Variants in IL1RAPL2 observed in about 807,000 individuals in gnomAD.
The protein encoded by IL1RAPL2 is X-linked interleukin-1 receptor accessory protein-like 2.
A neutral mutation model predicts 44.1 loss-of-function variants in IL1RAPL2; 3 were observed. The ratio of observed to expected loss-of-function variants is 0.07; its 90% CI spans 0.03 to 0.18. The LOEUF (loss-of-function observed/expected upper bound fraction) is 0.18, where lower values mean the gene tolerates loss of function less well. Ranked by LOEUF, IL1RAPL2 falls within the 10% of genes least tolerant of loss-of-function variation. The pLI is 1.00. For synonymous variants in IL1RAPL2, 181 were observed against 178.8 expected (o/e 1.01, Z -0.10); for missense variants, 391 against 496.4 (o/e 0.79, Z 2.02).
At chrX:104,996,352 T>A (rs1207685840) in intron 2 of IL1RAPL2, among the ~76,000 whole-genome samples, 1 of 111,670 alleles carries the variant, frequency 9.0e-6, no homozygotes, top group Admixed American at 9.5e-5. Context: ...ATATCATGAG[T>A]AATATAAATG....
chrX:105,528,404 A>G (rs1421677357), intron 6 of IL1RAPL2, among the ~76,000 whole-genome samples: 1 of 111,932 alleles, frequency 8.9e-6, no homozygotes, highest in East Asian at 2.8e-4. Context: ...CCATCCAGCC[A>G]TTCCTTTCTT....
At chrX:104,589,360 G>C (rs1047772378) in intron 1 of IL1RAPL2, among the ~76,000 whole-genome samples, 1 of 112,099 alleles carries the variant, frequency 8.9e-6, no homozygotes, top group African/African-American at 3.2e-5. Context: ...AGGCCGGGAG[G>C]CTAAGCCAGT....
chrX:104,829,579 T>A (rs73245709), intron 2 of IL1RAPL2, among the ~76,000 whole-genome samples: 7,393 of 112,379 alleles, frequency 0.066, 212 homozygotes, highest in South Asian at 0.11. Flanking sequence ...TATTCGGCCA[T>A]CTTGGTAAAT....
intron 2 of IL1RAPL2, among the ~76,000 whole-genome samples, chrX:104,677,831 G>A (rs1038260187): frequency 5.4e-5 from 6 of 112,109 alleles, no homozygotes; most frequent in Non-Finnish European, 9.4e-5. Context: ...GGAAAAGCGC[G>A]GTATTCGGGT....
At chrX:104,838,240 G>T (rs932953161) in intron 2 of IL1RAPL2, among the ~76,000 whole-genome samples, 4 of 111,727 alleles carry the variant, frequency 3.6e-5, no homozygotes, top group African/African-American at 1.3e-4. Context: ...TAAATTTAAA[G>T]TAGTTTTTCT....
At chrX:105,453,928 C>T (rs757801677) in intron 5 of IL1RAPL2, among the ~76,000 whole-genome samples, 29 of 111,957 alleles carry the variant, frequency 2.6e-4, no homozygotes, top group Non-Finnish European at 1.9e-4. Context: ...GCTCAACACT[C>T]ATCTTCTTCA....
chrX:104,974,280 C>A (rs991967109), intron 2 of IL1RAPL2, among the ~76,000 whole-genome samples: 1 of 111,784 alleles, frequency 8.9e-6, no homozygotes, highest in African/African-American at 3.2e-5. Flanking sequence ...CCATTTTAAC[C>A]ATTTTAAAAC....
chrX:104,800,927 A>G (rs1237971760), intron 2 of IL1RAPL2, among the ~76,000 whole-genome samples: 3 of 112,680 alleles, frequency 2.7e-5, no homozygotes, highest in African/African-American at 9.7e-5. Flanking sequence ...GATATTAGTC[A>G]GGGAAGAGCA....
chrX:104,763,756 A>T (rs1932506123), intron 2 of IL1RAPL2, among the ~76,000 whole-genome samples: 1 of 111,122 alleles, frequency 9.0e-6, no homozygotes. Flanking sequence ...TATCATAAGA[A>T]AAGCAGCATG....
At chrX:105,520,474 G>T (rs1198007085) in intron 6 of IL1RAPL2, among the ~76,000 whole-genome samples, 1 of 111,874 alleles carries the variant, frequency 8.9e-6, no homozygotes, top group Admixed American at 9.5e-5. Context: ...TCTGTCAGCT[G>T]CATAAGAAAA....
rs745573376 is a variant in IL1RAPL2, at chrX:104,660,551, T to C, written c.82+1556T>C. Among the ~76,000 whole-genome samples the C allele has an allele frequency of 4.6e-3, 438 of 95,521 alleles. 3 individuals carry two copies. The highest frequency in any genetic ancestry group is 0.015 in the African/African-American group (417 of 27,401). 82.9% of individuals were successfully genotyped at this position (95,521 alleles called of 115,157 possible). A position where few individuals can be genotyped will look rare whatever the true frequency, so the allele number is the denominator to read the frequency against. ...AGAGGCTGTTAAAATATATATATAT[T>C]TTATATATATTTATATATATAAAAT... On this transcript the variant is annotated intron_variant, in intron 2 of 10. Transcript: ENST00000372582.
intron 2 of IL1RAPL2, among the ~76,000 whole-genome samples, chrX:104,894,438 G>C (rs1923571512): frequency 9.0e-6 from 1 of 111,220 alleles, no homozygotes; most frequent in Admixed American, 9.6e-5. Flanking sequence ...ATGTAGATTT[G>C]GTCTTTTCAC....
intron 2 of IL1RAPL2, among the ~76,000 whole-genome samples, chrX:105,111,956 G>A (rs888626067): frequency 9.0e-6 from 1 of 111,714 alleles, no homozygotes; most frequent in Non-Finnish European, 1.9e-5. Flanking sequence ...ACTATTATAA[G>A]AGGAATTCAT....
chrX:104,962,503 C>T (rs1197836880), intron 2 of IL1RAPL2, among the ~76,000 whole-genome samples: 1 of 111,966 alleles, frequency 8.9e-6, no homozygotes, highest in African/African-American at 3.2e-5. Flanking sequence ...ATGACAACCA[C>T]TACAAAGGCC....
chrX:104,983,776 G>C (rs550108414), intron 2 of IL1RAPL2, among the ~76,000 whole-genome samples: 1 of 105,740 alleles, frequency 9.5e-6, no homozygotes, highest in Middle Eastern at 5.1e-3. Context: ...CTTTTCCCCA[G>C]TTAGTGAGGT....
At chrX:105,754,760 T>C (rs1395062632) in intron 9 of IL1RAPL2, among the ~76,000 whole-genome samples, 1 of 112,246 alleles carries the variant, frequency 8.9e-6, no homozygotes, top group Non-Finnish European at 1.9e-5. Context: ...CCCTGTTGGA[T>C]CTTTTGCACA....
At chrX:105,266,304 A>C (rs897037888) in intron 4 of IL1RAPL2, among the ~76,000 whole-genome samples, 1 of 110,927 alleles carries the variant, frequency 9.0e-6, no homozygotes, top group Non-Finnish European at 1.9e-5. Flanking sequence ...AGCCTCCCAA[A>C]GTGCTGGGAT....
intron 2 of IL1RAPL2, among the ~76,000 whole-genome samples, chrX:104,832,410 T>C (rs1333520919): frequency 9.0e-6 from 1 of 111,550 alleles, no homozygotes; most frequent in Non-Finnish European, 1.9e-5. Flanking sequence ...TTCTATCTGC[T>C]TTCACATTGG....
chrX:104,585,378 AATATATATTATATATAAT>A (rs1272741871), intron 1 of IL1RAPL2, among the ~76,000 whole-genome samples: 4 of 23,250 alleles, frequency 1.7e-4, no homozygotes, highest in Non-Finnish European at 2.5e-4. Context: ...TATTATATAT[AATATATATTATATATAAT>A]ATATAATATA....
Sources: gnomAD v4.1 joint callset for allele counts (sites outside exome capture counted in the v4.1 genomes callset) on GRCh38, gnomAD v4.1.1 for gene constraint, MANE v1.5 for transcripts, NCBI Gene and HGNC (gene_info 2026-07-23, HGNC 2026-07-21) for gene names.